The following ZSWIM6 variants were observed in gnomAD, a reference collection of about 807,000 sequenced individuals.
The protein encoded by ZSWIM6 is zinc finger SWIM-type containing 6.
ZSWIM6 carries 9 observed loss-of-function variants against 113.2 expected under a neutral mutation model. That is an observed-to-expected ratio of 0.08 (90% confidence interval 0.05 to 0.14). The LOEUF is 0.14. Among genes scored for constraint, ZSWIM6 ranks in the 10% least tolerant of loss-of-function variants. The probability of loss-of-function intolerance (pLI) is 1.00; values close to 1 mark genes in which losing one functional copy is unlikely to be tolerated. For synonymous variants in ZSWIM6, 611 were observed against 606.5 expected, an observed-to-expected ratio of 1.01 and a Z score of -0.11; for missense variants, 1,162 against 1,552.2, an observed-to-expected ratio of 0.75 and a Z score of 4.22.
chr5:61,336,778 A>T (rs914807417), intron 1 of ZSWIM6, among the ~76,000 whole-genome samples: 6 of 152,176 alleles, frequency 3.9e-5, no homozygotes, highest in Middle Eastern at 3.2e-3. Flanking sequence ...AAAATCAAAA[A>T]GTTTCTGTAG....
chr5:61,464,755 T>C (rs1377102751), intron 1 of ZSWIM6, among the ~76,000 whole-genome samples: 1 of 152,210 alleles, frequency 6.6e-6, no homozygotes, highest in African/African-American at 2.4e-5. Flanking sequence ...CCACCACTCC[T>C]AAAGCAAACA....
intron 1 of ZSWIM6, among the ~76,000 whole-genome samples, chr5:61,449,417 A>T (rs887357930): frequency 2.0e-5 from 3 of 152,012 alleles, no homozygotes; most frequent in Non-Finnish European, 4.4e-5. Context: ...TTGTTTAGGG[A>T]TGGGGTCTTA....
At chr5:61,383,931 C>T (rs1745538893) in intron 1 of ZSWIM6, among the ~76,000 whole-genome samples, 1 of 151,510 alleles carries the variant, frequency 6.6e-6, no homozygotes, top group Admixed American at 6.6e-5. Flanking sequence ...AAAACTTATG[C>T]TAACATCAGT....
chr5:61,526,146 G>A (rs1169605863), intron 6 of ZSWIM6, 104 bp from the exon 7 acceptor site: 21 of 1,441,910 alleles, frequency 1.5e-5, no homozygotes, highest in South Asian at 2.9e-5. Context: ...ATGGTTTCTT[G>A]TGTCTTTTTA....
At chr5:61,491,599 A>G (rs1748178290) in intron 3 of ZSWIM6, among the ~76,000 whole-genome samples, 1 of 152,082 alleles carries the variant, frequency 6.6e-6, no homozygotes, top group South Asian at 2.1e-4. Flanking sequence ...TGTGAGCGGA[A>G]GCTGTGTGTT....
chr5:61,339,694 G>A (rs1033368843), intron 1 of ZSWIM6, among the ~76,000 whole-genome samples: 6 of 152,062 alleles, frequency 3.9e-5, no homozygotes, highest in South Asian at 2.1e-4. Flanking sequence ...GAAACAAAGC[G>A]GGTTATAGGC....
chr5:61,462,625 T>C (rs1747343641), intron 1 of ZSWIM6, among the ~76,000 whole-genome samples: 2 of 152,188 alleles, frequency 1.3e-5, no homozygotes, highest in South Asian at 4.1e-4. Flanking sequence ...CAAGTGCACT[T>C]ACACTAACGG....
At chr5:61,389,201 C>G in intron 1 of ZSWIM6, among the ~76,000 whole-genome samples, 1 of 152,212 alleles carries the variant, frequency 6.6e-6, no homozygotes, top group Non-Finnish European at 1.5e-5. Flanking sequence ...GACTTGTTTT[C>G]ATGGTACCAC....
chr5:61,350,198 G>GTC (rs1008341136), intron 1 of ZSWIM6, among the ~76,000 whole-genome samples: 1 of 152,198 alleles, frequency 6.6e-6, no homozygotes, highest in Non-Finnish European at 1.5e-5. Flanking sequence ...CTTGGCTTAT[G>GTC]TCTCTTTTCC....
intron 4 of ZSWIM6, among the ~76,000 whole-genome samples, chr5:61,514,873 T>C (rs1748888441): frequency 6.6e-6 from 1 of 152,124 alleles, no homozygotes; most frequent in Admixed American, 6.6e-5. Context: ...ATCAGGGTAA[T>C]AATGCTGGCC....
At chr5:61,453,493 A>G (rs1224993749) in intron 1 of ZSWIM6, among the ~76,000 whole-genome samples, 4 of 148,678 alleles carry the variant, frequency 2.7e-5, no homozygotes, top group African/African-American at 7.5e-5. Context: ...CTCCACCTCA[A>G]CCTCCCAAGT....
chr5:61,444,879 G>T (rs757493862), intron 1 of ZSWIM6, among the ~76,000 whole-genome samples: 13 of 152,146 alleles, frequency 8.5e-5, no homozygotes, highest in Non-Finnish European at 1.6e-4. Flanking sequence ...GTTTGAAGAC[G>T]AGGCTTTGAG....
At chr5:61,530,483 C>G (rs555392732) in intron 8 of ZSWIM6, among the ~76,000 whole-genome samples, 2 of 152,158 alleles carry the variant, frequency 1.3e-5, no homozygotes, top group African/African-American at 4.8e-5. Context: ...ACATTTATGA[C>G]TACTTCTTAG....
intron 5 of ZSWIM6, among the ~76,000 whole-genome samples, chr5:61,524,125 A>G (rs921345244): frequency 1.3e-5 from 2 of 152,362 alleles, no homozygotes; most frequent in African/African-American, 4.8e-5. Flanking sequence ...GAGGCTAAAA[A>G]ACACTTATGT....
At chr5:61,376,019 A>G (rs1011824821) in intron 1 of ZSWIM6, among the ~76,000 whole-genome samples, 1 of 106,332 alleles carries the variant, frequency 9.4e-6, no homozygotes, top group Admixed American at 1.1e-4. Flanking sequence ...TGAAAGGGCC[A>G]TAAATGTTGC....
intron 4 of ZSWIM6, among the ~76,000 whole-genome samples, chr5:61,501,944 G>A (rs112690529): frequency 6.6e-6 from 1 of 152,082 alleles, no homozygotes; most frequent in African/African-American, 2.4e-5. Context: ...AGTACTGACC[G>A]CACTTGCCTT....
chr5:61,470,204 T>C (rs1747534291), intron 1 of ZSWIM6, among the ~76,000 whole-genome samples: 3 of 152,198 alleles, frequency 2.0e-5, no homozygotes, highest in Admixed American at 6.5e-5. Flanking sequence ...ATTGAGTTGG[T>C]TGGTGAAGAG....
intron 1 of ZSWIM6, among the ~76,000 whole-genome samples, chr5:61,333,865 C>A (rs1259452644): frequency 6.6e-6 from 1 of 152,088 alleles, no homozygotes; most frequent in Non-Finnish European, 1.5e-5. Flanking sequence ...CCGGGCGAGC[C>A]GCGGTCGGCA....
At chr5:61,532,689 A>G (rs576707339) in intron 9 of ZSWIM6, among the ~76,000 whole-genome samples, 13 of 152,334 alleles carry the variant, frequency 8.5e-5, no homozygotes, top group African/African-American at 3.1e-4. Flanking sequence ...TAAAGGGAAA[A>G]TGCTCTTCAG....
Sources: allele counts gnomAD v4.1 joint callset (sites outside exome capture counted in the v4.1 genomes callset), GRCh38; gene constraint gnomAD v4.1.1; transcripts MANE v1.5; gene names NCBI Gene and HGNC (gene_info 2026-07-23, HGNC 2026-07-21).